The following BIN2 variants were observed in gnomAD, a reference collection of about 807,000 sequenced individuals.
BIN2 encodes the protein bridging integrator 2.
Under a neutral mutation model 67.9 loss-of-function variants are expected in BIN2, and 43 were observed. That is an observed-to-expected ratio of 0.63 (90% CI 0.50 to 0.82). The LOEUF is 0.82. BIN2 is among the 40% of genes least tolerant of loss of function. The pLI is 0.00. For synonymous variants in BIN2, 244 were observed against 246.8 expected (o/e 0.99, Z 0.11); for missense variants, 581 against 671.6 (o/e 0.87, Z 1.49).
At chr12:51,313,459 C>A (rs1440166519) in intron 2 of BIN2, among the ~76,000 whole-genome samples, 2 of 151,932 alleles carry the variant, frequency 1.3e-5, no homozygotes, top group Non-Finnish European at 2.9e-5. Flanking sequence ...CTGCCTCAGC[C>A]TGCCGAGTAG....
intron 1 of BIN2, among the ~76,000 whole-genome samples, chr12:51,314,893 C>T (rs1030694851): frequency 6.6e-6 from 1 of 152,080 alleles, no homozygotes; most frequent in African/African-American, 2.4e-5. Context: ...TGCTCTGTTG[C>T]CCTGGCTGTA....
chr12:51,303,279 G>C, intron 2 of BIN2, 138 bp from the exon 3 acceptor site: 1 of 913,916 alleles, frequency 1.1e-6, no homozygotes, highest in Non-Finnish European at 1.7e-6. Flanking sequence ...TTATAAGTCA[G>C]CCTTTACTTT....
chr12:51,323,937 C>A, intron 1 of BIN2, 85 bp downstream of exon 1: 2 of 1,552,286 alleles, frequency 1.3e-6, no homozygotes, highest in East Asian at 2.4e-5. Context: ...CCCTGAGCAC[C>A]CTGCCCGCCC....
At chr12:51,312,145 T>C (rs1286764534) in intron 2 of BIN2, among the ~76,000 whole-genome samples, 1 of 152,100 alleles carries the variant, frequency 6.6e-6, no homozygotes, top group Non-Finnish European at 1.5e-5. Flanking sequence ...AAAAAAAATC[T>C]CTGATAATAG....
At chr12:51,295,577 A>ATAT (rs1188350704) in intron 9 of BIN2, among the ~76,000 whole-genome samples, 1 of 29,530 alleles carries the variant, frequency 3.4e-5, no homozygotes, top group Admixed American at 5.8e-4. Context: ...AAAAAAAAAA[A>ATAT]ATATATATAT....
At position 51,292,079 on chromosome 12, in the gene BIN2, G is replaced by T; in HGVS notation, c.1027C>A (p.Pro343Thr). 6.2e-7 allele frequency: 1 copy of T among 1,614,156 alleles called. No homozygotes were observed. The highest frequency in any genetic ancestry group is 8.5e-7 in the Non-Finnish European group (1 of 1,180,016). Residue 343 changes from proline (P) to threonine (T), a missense_variant, in exon 10 of 13, where the codon CCC (proline) becomes ACC (threonine). Pro to Thr is a conservative substitution (Grantham distance 38). Transcript: ENST00000615107. ...GTAGGAGAGGGCTGGGCCTGGGCGG[G>T]GCCATTGCAGGCTGGTAGAGGCTCA... ...EDEPLPACNG[P>T]AQAQPSPTTE...
At chr12:51,309,599 T>C (rs1945945476) in intron 2 of BIN2, among the ~76,000 whole-genome samples, 1 of 152,188 alleles carries the variant, frequency 6.6e-6, no homozygotes, top group African/African-American at 2.4e-5. Context: ...TTGCCCAGGC[T>C]GGTCTTGAAC....
chr12:51,288,722 T>G (rs2137348914), intron 10 of BIN2, among the ~76,000 whole-genome samples: 1 of 151,060 alleles, frequency 6.6e-6, no homozygotes, highest in Non-Finnish European at 1.5e-5. Flanking sequence ...CTCTACAATG[T>G]ACCTGACTGG....
intron 7 of BIN2, among the ~76,000 whole-genome samples, chr12:51,297,634 A>C (rs1016040012): frequency 1.3e-5 from 2 of 152,106 alleles, no homozygotes; most frequent in Non-Finnish European, 1.5e-5. Flanking sequence ...GATTCGTCAG[A>C]GCTGGGCCAG....
rs1163870830 is a variant in BIN2 at position 51,295,577 on chromosome 12, AATATATATATATATATATATAT to A, written c.761+197_761+218del. On this transcript the variant is annotated intron_variant, in intron 9 of 12. Transcript: ENST00000615107. Reference sequence around the variant, plus strand: ...GACTCCGTCTCAAAAAAAAAAAAAAAATATATATATATATATATATATATATATATATATATATATATATATA... The same window carrying A: ...GACTCCGTCTCAAAAAAAAAAAAAAAATATATATATATATATATATATATA... 4.0e-3 allele frequency among the ~76,000 whole-genome samples: 117 copies of A among 29,542 alleles called. 5 individuals are homozygous for A. The highest frequency in any genetic ancestry group is 5.9e-3 in the South Asian group (5 of 846). The allele number at this position is 29,542 out of a possible 152,430, so 19.4% of individuals were successfully genotyped here. A position where few individuals can be genotyped will look rare whatever the true frequency, so the allele number is the denominator to read the frequency against.
At chr12:51,296,916 T>C (rs1159188704) in intron 8 of BIN2, among the ~76,000 whole-genome samples, 173 bp downstream of exon 8, 1 of 152,228 alleles carries the variant, frequency 6.6e-6, no homozygotes, top group African/African-American at 2.4e-5. Context: ...ATAGTGTATA[T>C]ATGTGTTTCA....
chr12:51,281,574 C>T (rs753766211), intron 12 of BIN2, 46 bp from the exon 13 acceptor site: 61 of 1,603,534 alleles, frequency 3.8e-5, no homozygotes, highest in Non-Finnish European at 4.6e-5. Context: ...TGCCTTCCCA[C>T]CAACCACTTA....
At chr12:51,319,481 T>C (rs1008913419) in intron 1 of BIN2, among the ~76,000 whole-genome samples, 9 of 152,222 alleles carry the variant, frequency 5.9e-5, no homozygotes, top group African/African-American at 2.2e-4. Context: ...TAAACAGATG[T>C]TTGTTGAAAC....
rs147192751 is a variant in BIN2 at position 51,292,332 on chromosome 12, G to A, written c.774C>T (p.Arg258=). 3.2e-4 allele frequency: 507 copies of A among 1,570,648 alleles called. No homozygotes were observed. The highest frequency in any genetic ancestry group is 3.2e-4 in the Non-Finnish European group (378 of 1,163,486). The change falls in exon 10 of 13, where the codon CGC becomes CGT. Residue 258 remains arginine, a synonymous_variant. Coordinates refer to ENST00000615107, the MANE Select transcript of BIN2 (RefSeq NM_016293.4). ...GAACTGGGGGAGAAATGACTAAAGAGCGCCTGCTGCTGCTAAAAAAGGAAG... is the reference window on the plus strand; with the variant it reads ...GAACTGGGGGAGAAATGACTAAAGAACGCCTGCTGCTGCTAAAAAAGGAAG... ...VVKGLSSSSR[R]SLVISPPVRT...
At chr12:51,313,634 C>T (rs1007265534) in intron 2 of BIN2, among the ~76,000 whole-genome samples, 189 bp downstream of exon 2, 3 of 152,184 alleles carry the variant, frequency 2.0e-5, no homozygotes, top group Admixed American at 2.0e-4. Context: ...ATCCACTGCG[C>T]CTGGCTGGTA....
At chr12:51,311,825 G>A (rs1946004302) in intron 2 of BIN2, among the ~76,000 whole-genome samples, 1 of 151,922 alleles carries the variant, frequency 6.6e-6, no homozygotes, top group Non-Finnish European at 1.5e-5. Context: ...AGGCTGGAGT[G>A]CAGTGGTGCG....
chr12:51,313,228 A>AAGGCAGGCAGGCAGGC (rs768529869), intron 2 of BIN2, among the ~76,000 whole-genome samples: 1 of 139,658 alleles, frequency 7.2e-6, no homozygotes, highest in Non-Finnish European at 1.5e-5. Context: ...GGAAGGCAGG[A>AAGGCAGGCAGGCAGGC]AGGCAGGCAG....
intron 2 of BIN2, among the ~76,000 whole-genome samples, chr12:51,311,338 C>A (rs1945989782): frequency 6.6e-6 from 1 of 152,044 alleles, no homozygotes; most frequent in African/African-American, 2.4e-5. Context: ...CTGTACCCAA[C>A]CATGTACTTT....
At chr12:51,287,996 T>A in intron 11 of BIN2, 112 bp downstream of exon 11, 1 of 752,794 alleles carries the variant, frequency 1.3e-6, no homozygotes, top group South Asian at 1.8e-5. Flanking sequence ...CAGTGCTTCA[T>A]GTGAATCAAG....
Sources: gnomAD v4.1 joint callset for allele counts (sites outside exome capture counted in the v4.1 genomes callset) on GRCh38, gnomAD v4.1.1 for gene constraint, MANE v1.5 for transcripts, NCBI Gene and HGNC (gene_info 2026-07-23, HGNC 2026-07-21) for gene names.